Variants in SNTG1 observed in about 807,000 individuals in gnomAD.
SNTG1 encodes the protein gamma-1-syntrophin.
A neutral mutation model predicts 74.7 loss-of-function variants in SNTG1; 39 were observed. The ratio of observed to expected loss-of-function variants is 0.52; its 90% CI spans 0.40 to 0.68. The LOEUF is 0.68. Among genes scored for constraint, SNTG1 ranks in the 30% least tolerant of loss-of-function variants. The pLI is 0.00. For synonymous variants in SNTG1, 254 were observed against 217.1 expected (o/e 1.17, Z -1.49); for missense variants, 685 against 609.5 (o/e 1.12, Z -1.30).
At chr8:50,045,577 G>T (rs1819013980) in intron 1 of SNTG1, among the ~76,000 whole-genome samples, 1 of 151,992 alleles carries the variant, frequency 6.6e-6, no homozygotes, top group Non-Finnish European at 1.5e-5. Flanking sequence ...TATTACTTAG[G>T]ATTTACTTCT....
At chr8:50,544,032 A>G (rs984515621) in intron 11 of SNTG1, among the ~76,000 whole-genome samples, 3 of 152,188 alleles carry the variant, frequency 2.0e-5, no homozygotes, top group African/African-American at 4.8e-5. Context: ...GTTAGATTTT[A>G]TACTGTTGAG....
chr8:50,138,631 T>G (rs986535583), intron 1 of SNTG1, among the ~76,000 whole-genome samples: 64 of 54,346 alleles, frequency 1.2e-3, no homozygotes, highest in African/African-American at 0.012. Context: ...GTCTCAACAA[T>G]AATAATAATA....
intron 2 of SNTG1, among the ~76,000 whole-genome samples, chr8:50,344,238 T>A (rs2091405367): frequency 6.6e-6 from 1 of 152,188 alleles, no homozygotes; most frequent in Non-Finnish European, 1.5e-5. Context: ...GCAAAGCAAC[T>A]TACTATCCCA....
At position 50,502,828 on chromosome 8, in the gene SNTG1, T is replaced by C. The variant is rs1440316767; in HGVS notation, c.414T>C (p.Phe138=). 4 of 1,613,440 alleles carry C rather than the reference T, an allele frequency of 2.5e-6. No homozygotes were observed. Among genetic ancestry groups the C allele is most frequent in the African/African-American group, 1.3e-5 (1 of 74,922 alleles). Residue 138 remains phenylalanine (F), a synonymous_variant, in exon 9 of 19, where the codon TTT becomes TTC. Coordinates refer to ENST00000642720, the MANE Select transcript of SNTG1 (RefSeq NM_018967.5). ...AAGAAGTGACTCTAACAGTGTCATT[T>C]TTAAAAAGAGCACCTGCTTTCCTCA... ...AGEEVTLTVS[F]LKRAPAFLKL... is the part of the protein sequence containing the mutation.
chr8:50,484,289 C>T (rs1432745993), intron 8 of SNTG1, among the ~76,000 whole-genome samples: 1 of 150,654 alleles, frequency 6.6e-6, no homozygotes, highest in African/African-American at 2.4e-5. Context: ...AGTCTCAGCT[C>T]ACTGTAACCT....
At chr8:50,768,815 A>C (rs1257149616) in intron 18 of SNTG1, among the ~76,000 whole-genome samples, 1 of 152,034 alleles carries the variant, frequency 6.6e-6, no homozygotes, top group Non-Finnish European at 1.5e-5. Context: ...TGTAAAATAG[A>C]CTTAAGTAGA....
chr8:49,960,671 T>C (rs1217801257), intron 1 of SNTG1, among the ~76,000 whole-genome samples: 2 of 152,126 alleles, frequency 1.3e-5, no homozygotes, highest in Non-Finnish European at 2.9e-5. Context: ...TGCTCACATA[T>C]ATCACATGTA....
At chr8:50,784,473 C>A (rs1563836917) in intron 18 of SNTG1, among the ~76,000 whole-genome samples, 1 of 151,986 alleles carries the variant, frequency 6.6e-6, no homozygotes, top group Non-Finnish European at 1.5e-5. Flanking sequence ...AAAAATGAAT[C>A]AATTTTTCAA....
At chr8:50,663,206 G>C (rs2095233711) in intron 15 of SNTG1, among the ~76,000 whole-genome samples, 3 of 152,134 alleles carry the variant, frequency 2.0e-5, no homozygotes. Flanking sequence ...AAACAAGTTT[G>C]TTACAGCTGT....
chr8:50,248,760 A>G (rs2086512480), intron 2 of SNTG1, among the ~76,000 whole-genome samples: 3 of 152,236 alleles, frequency 2.0e-5, no homozygotes, highest in Admixed American at 1.3e-4. Flanking sequence ...AGAGATAGAA[A>G]TAAAGATGGT....
In SNTG1 at chr8:50,442,680, T is replaced by TA. The variant is rs5891365; in HGVS notation, c.219+4108dup. Among the ~76,000 whole-genome samples the TA allele has an allele frequency of 3.6e-3, 294 of 81,158 alleles. 2 individuals are homozygous for TA. The highest frequency in any genetic ancestry group is 9.1e-3 in the African/African-American group (178 of 19,650). 53.2% of individuals were successfully genotyped at this position (81,158 alleles called of 152,430 possible). A position where few individuals can be genotyped will look rare whatever the true frequency, so the allele number is the denominator to read the frequency against. ...TTCTTTGTATTAATTTGTCTATCAG[T>TA]AAAAAAAAAAAAAAAAAAAAAAAAA... is the stretch of plus-strand genomic sequence containing the variant. On this transcript the variant is annotated intron_variant, in intron 5 of 18. Transcript: ENST00000642720.
intron 2 of SNTG1, among the ~76,000 whole-genome samples, chr8:50,188,147 G>A (rs773799472): frequency 1.3e-5 from 2 of 152,058 alleles, no homozygotes; most frequent in Non-Finnish European, 1.5e-5. Flanking sequence ...CAAAGAACAC[G>A]AATATCTTTA....
intron 1 of SNTG1, among the ~76,000 whole-genome samples, chr8:49,918,499 A>G (rs1806241369): frequency 6.6e-6 from 1 of 152,164 alleles, no homozygotes; most frequent in Admixed American, 6.5e-5. Context: ...TTTTGTGCCT[A>G]CTCATATGTG....
At chr8:50,426,084 T>C (rs888857346) in intron 4 of SNTG1, among the ~76,000 whole-genome samples, 1 of 152,170 alleles carries the variant, frequency 6.6e-6, no homozygotes. Flanking sequence ...TATTAACATC[T>C]TACATAGTAT....
rs77467605 is a variant in SNTG1 at position 50,462,448 on chromosome 8, T to C, written c.363+11719T>C. On this transcript the variant is annotated intron_variant, in intron 8 of 18. Transcript: ENST00000642720. ...TGATTAGAGTAGTGGTTACTGAAGG[T>C]TGGGGTGGCTGGGGCAATTTCTTAA... 1.0e-3 allele frequency among the ~76,000 whole-genome samples: 136 copies of C among 136,544 alleles called. 6 individuals are homozygous for C. In the East Asian group the frequency reaches 0.026, roughly 26 times the overall value. The allele number at this position is 136,544 out of a possible 152,430, so 89.6% of individuals were successfully genotyped here. A position where few individuals can be genotyped will look rare whatever the true frequency, so the allele number is the denominator to read the frequency against.
intron 1 of SNTG1, among the ~76,000 whole-genome samples, chr8:49,919,936 A>T (rs1045180314): frequency 6.6e-6 from 1 of 152,094 alleles, no homozygotes; most frequent in South Asian, 2.1e-4. Context: ...GCCAATCAAG[A>T]GTAATACAAT....
chr8:50,022,839 T>C (rs1198137652), intron 1 of SNTG1, among the ~76,000 whole-genome samples: 1 of 152,178 alleles, frequency 6.6e-6, no homozygotes, highest in African/African-American at 2.4e-5. Flanking sequence ...TGACTTTTTA[T>C]TTAATCTCAT....
chr8:49,995,655 T>C (rs1814136847), intron 1 of SNTG1, among the ~76,000 whole-genome samples: 1 of 152,154 alleles, frequency 6.6e-6, no homozygotes, highest in African/African-American at 2.4e-5. Context: ...GCAGTGAAAA[T>C]GTTCAGGATA....
chr8:49,953,022 A>G (rs1809860144), intron 1 of SNTG1, among the ~76,000 whole-genome samples: 1 of 152,204 alleles, frequency 6.6e-6, no homozygotes, highest in Non-Finnish European at 1.5e-5. Context: ...AGGTAGATAC[A>G]TGAGTATAGG....
Sources: gnomAD v4.1 joint callset for allele counts (sites outside exome capture counted in the v4.1 genomes callset) on GRCh38, gnomAD v4.1.1 for gene constraint, MANE v1.5 for transcripts, NCBI Gene and HGNC (gene_info 2026-07-23, HGNC 2026-07-21) for gene names.